Variants in HEXB observed in about 807,000 individuals in gnomAD.
The protein encoded by HEXB is beta-hexosaminidase subunit beta.
A neutral mutation model predicts 71.2 loss-of-function variants in HEXB; 51 were observed. The ratio of observed to expected loss-of-function variants is 0.72; its 90% CI spans 0.57 to 0.90. The LOEUF (loss-of-function observed/expected upper bound fraction) is 0.90. Ranked by LOEUF, HEXB falls within the 40% of genes least tolerant of loss-of-function variation. The probability of loss-of-function intolerance (pLI) is 0.00; values close to 1 mark genes in which losing one functional copy is unlikely to be tolerated. For synonymous variants in HEXB, 266 were observed against 249.3 expected (o/e 1.07, Z -0.63); for missense variants, 617 against 677.0 (o/e 0.91, Z 0.98).
Position 74,685,442 on chromosome 5 carries a change from T to C in HEXB, c.182T>C (p.Leu61Pro), listed in dbSNP as rs750298701. Residue 61 changes from leucine to proline, a missense_variant, in exon 1 of 14, where the codon CTC (leucine) becomes CCC (proline). Coordinates refer to ENST00000261416, the MANE Select transcript of HEXB (RefSeq NM_000521.4). The stretch of plus-strand genomic sequence containing the variant: ...GGGCCGGCGCTGTGGCCCCTGCCGC[T>C]CTTGGTGAAGATGACCCCGAACCTG... ...KPGPALWPLPLLVKMTPNLLH... is the reference protein window; with the variant it reads ...KPGPALWPLPPLVKMTPNLLH... The C allele has an allele frequency of 1.2e-6, 2 of 1,610,530 alleles. No individual in the cohort carries two copies. Among genetic ancestry groups the C allele is most frequent in the Admixed American group, 3.3e-5 (2 of 59,808 alleles).
upstream of HEXB, among the ~76,000 whole-genome samples, chr5:74,682,069 T>A (rs1748747686): frequency 6.6e-6 from 1 of 152,150 alleles, no homozygotes; most frequent in South Asian, 2.1e-4. Context: ...TAGAAGTAGA[T>A]CCTCCGGGGC....
At chr5:74,683,140 G>T (rs908199874), upstream of HEXB, among the ~76,000 whole-genome samples, 3 of 152,098 alleles carry the variant, frequency 2.0e-5, no homozygotes, top group African/African-American at 7.2e-5. Context: ...TCCAGGATAC[G>T]GTGCAGGGCC....
chr5:74,646,180 G>A (rs574371781), intron 1 of HEXB, among the ~76,000 whole-genome samples: 21 of 152,250 alleles, frequency 1.4e-4, no homozygotes, highest in Admixed American at 2.0e-4. Flanking sequence ...TGCTTGGTAT[G>A]TGGGAAGGGC....
intron 2 of HEXB, among the ~76,000 whole-genome samples, chr5:74,692,634 C>A (rs1749029049): frequency 6.6e-6 from 1 of 152,198 alleles, no homozygotes; most frequent in South Asian, 2.1e-4. Context: ...AAGACTATCA[C>A]CTGAGATGCT....
At chr5:74,650,648 G>C (rs1561200555) in intron 1 of HEXB, among the ~76,000 whole-genome samples, 1 of 152,058 alleles carries the variant, frequency 6.6e-6, no homozygotes, top group Non-Finnish European at 1.5e-5. Context: ...CAGGCCAGGC[G>C]CGGTGGCTCA....
chr5:74,706,654 T>TG (rs1200570318), intron 6 of HEXB, among the ~76,000 whole-genome samples: 2 of 152,202 alleles, frequency 1.3e-5, no homozygotes, highest in Non-Finnish European at 2.9e-5. Flanking sequence ...ATCCTGCACC[T>TG]GGCTCGGAGG....
rs148583776 is a variant in HEXB, at chr5:74,653,270, TA to T, written c.-377+12715del. On this transcript the variant is annotated intron_variant, in intron 1 of 13. Transcript: ENST00000511181. ...TTTTTACAAAATGATCAATTCTTGC[TA>T]AAGTTTAAAAAAAGTAGCTGTCCCT... Among the ~76,000 whole-genome samples the T allele has an allele frequency of 2.4e-3, 364 of 152,346 alleles. 2 individuals are homozygous for T. The highest frequency in any genetic ancestry group is 8.2e-3 in the African/African-American group (339 of 41,578).
At chr5:74,685,134 G>A, upstream of HEXB, 1 of 990,652 alleles carries the variant, frequency 1.0e-6, no homozygotes, top group Non-Finnish European at 1.4e-6. Flanking sequence ...GGAGTCGGGG[G>A]CGGGCGCGCG....
At position 74,685,332 on chromosome 5, in the gene HEXB, G is replaced by A. The variant is rs985565568; in HGVS notation, c.72G>A (p.Ala24=). The A allele has an allele frequency of 7.6e-6, 12 of 1,577,388 alleles. No individual in the cohort carries two copies. In the East Asian group the frequency reaches 2.8e-4, roughly 37 times the overall value. ...CGCTGCTGTTGGCGACACTGCTGGC[G>A]GCGATGTTGGCGCTGCTGACTCAGG... ...LLALLLATLL[A]AMLALLTQVA... is the part of the protein sequence containing the mutation. The change falls in exon 1 of 14, where the codon GCG becomes GCA. Residue 24 remains alanine, a synonymous_variant. Transcript: ENST00000261416.
intron 1 of HEXB, among the ~76,000 whole-genome samples, chr5:74,647,192 T>C (rs769265181): frequency 5.3e-5 from 8 of 152,186 alleles, no homozygotes; most frequent in Non-Finnish European, 8.8e-5. Context: ...GGATCCAAAC[T>C]CTTAATTTGT....
At position 74,707,306 on chromosome 5, in the gene HEXB, A is replaced by C. The variant is rs574406237; in HGVS notation, c.771+1986A>C. On this transcript the variant is annotated intron_variant, in intron 6 of 13. Transcript: ENST00000261416. ...AACCCATCTGTACATCACCATCATC[A>C]AAGACCAAAAGTAGATAAAACCACA... 3.6e-3 allele frequency among the ~76,000 whole-genome samples: 554 copies of C among 152,314 alleles called. 1 individual carries two copies. Among genetic ancestry groups the C allele is most frequent in the African/African-American group, 0.013 (531 of 41,576 alleles).
chr5:74,681,312 A>C (rs759060997), upstream of HEXB, among the ~76,000 whole-genome samples: 2 of 152,144 alleles, frequency 1.3e-5, no homozygotes, highest in African/African-American at 2.4e-5. Flanking sequence ...GCTACTGACG[A>C]CCAGTGAGTA....
chr5:74,713,741 G>A, intron 7 of HEXB, 106 bp downstream of exon 7: 2 of 882,642 alleles, frequency 2.3e-6, no homozygotes, highest in Non-Finnish European at 1.8e-6. Flanking sequence ...TCGGCTCACT[G>A]CAACCTCCAC....
At chr5:74,709,181 C>A (rs1167117741) in intron 6 of HEXB, among the ~76,000 whole-genome samples, 2 of 152,206 alleles carry the variant, frequency 1.3e-5, no homozygotes, top group African/African-American at 4.8e-5. Flanking sequence ...ACAACCTGCT[C>A]CTGAATGATT....
intron 2 of HEXB, among the ~76,000 whole-genome samples, chr5:74,692,325 C>G (rs1424521747): frequency 4.9e-5 from 7 of 142,490 alleles, no homozygotes; most frequent in African/African-American, 1.9e-4. Flanking sequence ...TGGCAAAACC[C>G]TGTCTCTACA....
chr5:74,650,521 G>T (rs1213026589), intron 1 of HEXB, among the ~76,000 whole-genome samples: 1 of 152,216 alleles, frequency 6.6e-6, no homozygotes, highest in East Asian at 1.9e-4. Context: ...TTGGGCTGGA[G>T]AAGGGGGTTG....
chr5:74,653,078 A>G (rs754862349), intron 1 of HEXB, among the ~76,000 whole-genome samples: 14 of 152,228 alleles, frequency 9.2e-5, no homozygotes, highest in Non-Finnish European at 1.8e-4. Context: ...AAATATGTGA[A>G]TGCTCTAGCT....
rs752621035 is a variant in HEXB, at chr5:74,697,032, A to G, written c.595A>G (p.Arg199Gly). The change falls in exon 5 of 14, where the codon AGG becomes GGG. Residue 199 changes from arginine to glycine, a missense_variant. Arg to Gly is a moderately radical substitution (Grantham distance 125, BLOSUM62 -2). Transcript: ENST00000261416. ...INESTIIDSP[R>G]FSHRGILIDT... Reference sequence around the variant, plus strand: ...TGAATCCACCATTATTGATTCTCCAAGGTTTTCTCACAGAGGAATTTTGAT... The same window carrying G: ...TGAATCCACCATTATTGATTCTCCAGGGTTTTCTCACAGAGGAATTTTGAT... 1 of 1,583,252 alleles carries G rather than the reference A, an allele frequency of 6.3e-7. No individual in the cohort carries two copies. The highest frequency in any genetic ancestry group is 1.1e-5 in the South Asian group (1 of 90,586).
chr5:74,678,748 C>T (rs995334070), intron 1 of HEXB, among the ~76,000 whole-genome samples: 4 of 151,890 alleles, frequency 2.6e-5, no homozygotes, highest in African/African-American at 9.7e-5. Flanking sequence ...AAACAACATA[C>T]CACATAAATA....
Sources: gnomAD v4.1 joint callset for allele counts (sites outside exome capture counted in the v4.1 genomes callset) on GRCh38, gnomAD v4.1.1 for gene constraint, MANE v1.5 for transcripts, NCBI Gene and HGNC (gene_info 2026-07-23, HGNC 2026-07-21) for gene names.